Variants in PCDHGB6 observed in about 807,000 individuals in gnomAD.
PCDHGB6 encodes protocadherin gamma subfamily B, 6, also known as protocadherin gamma-B6.
Under a neutral mutation model 59.1 loss-of-function variants are expected in PCDHGB6, and 51 were observed. The observed-to-expected ratio is 0.86, with a 90% CI of 0.69 to 1.09. The LOEUF is 1.09. Ranked by LOEUF, PCDHGB6 falls within the 50% of genes least tolerant of loss-of-function variation. The pLI, the probability that PCDHGB6 is intolerant of heterozygous loss-of-function variation, is 0.00. For missense variants in PCDHGB6, 1,148 were observed against 1,205.1 expected (o/e 0.95, Z 0.70); for synonymous variants, 466 against 495.1 (o/e 0.94, Z 0.78).
chr5:141,456,800 TA>T (rs1038857337), intron 1 of PCDHGB6, among the ~76,000 whole-genome samples: 2 of 151,846 alleles, frequency 1.3e-5, no homozygotes, highest in African/African-American at 4.8e-5. Flanking sequence ...CCATCTCTAC[TA>T]AAAATACAAA....
chr5:141,491,980 C>A lies in PCDHGB6; in HGVS notation c.2419-2827C>A. On this transcript the variant is annotated intron_variant, in intron 1 of 3. Coordinates refer to ENST00000520790, the MANE Select transcript of PCDHGB6 (RefSeq NM_018926.3). This position sits in a 1 kb window ranked among gnomAD's most constrained non-coding sequence, Gnocchi z 6.9. ...AAAAAAGGCCGGGGCCTCCTTCGAGCTTCCGGTGAATTTCGGGCGATTTCC... is the reference window on the plus strand; with the variant it reads ...AAAAAAGGCCGGGGCCTCCTTCGAGATTCCGGTGAATTTCGGGCGATTTCC... 1.3e-6 allele frequency: 1 copy of A among 784,426 alleles called. No homozygotes were observed. Among genetic ancestry groups the A allele is most frequent in the Non-Finnish European group, 1.9e-6 (1 of 530,582 alleles). The allele number at this position is 784,426 out of a possible 1,614,324, so 48.6% of individuals were successfully genotyped here.
rs909444391 is a variant in PCDHGB6 at position 141,450,834 on chromosome 5, T to A, written c.2418+40214T>A. On this transcript the variant is annotated intron_variant, in intron 1 of 3. Transcript: ENST00000520790. ...TATTTAATATTATTATTATTATTTT[T>A]TTTTTTTTGAGATGGGGTCTTGCTC... is the stretch of plus-strand genomic sequence containing the variant. 1.2e-3 allele frequency among the ~76,000 whole-genome samples: 172 copies of A among 148,764 alleles called. 3 individuals are homozygous for A. The highest frequency in any genetic ancestry group is 4.1e-3 in the African/African-American group (166 of 40,236).
intron 1 of PCDHGB6, among the ~76,000 whole-genome samples, chr5:141,452,300 T>C (rs886540131): frequency 2.0e-5 from 3 of 152,194 alleles, no homozygotes; most frequent in African/African-American, 7.2e-5. Flanking sequence ...TAAGAAAATA[T>C]TAGAGACTCA....
At chr5:141,496,310 A>G (rs1446146598) in intron 2 of PCDHGB6, among the ~76,000 whole-genome samples, 1 of 152,218 alleles carries the variant, frequency 6.6e-6, no homozygotes, top group East Asian at 1.9e-4. Context: ...GCTCTGCGCC[A>G]GGCCTCCCAG....
chr5:141,484,959 C>A, intron 1 of PCDHGB6: 2 of 575,576 alleles, frequency 3.5e-6, no homozygotes, highest in Non-Finnish European at 6.2e-6. Flanking sequence ...ATTGGCTGAG[C>A]CCGGGAGCCG....
Position 141,486,695 on chromosome 5 carries a change from A to T in PCDHGB6, c.2419-8112A>T. On this transcript the variant is annotated intron_variant, in intron 1 of 3. Coordinates refer to ENST00000520790, the MANE Select transcript of PCDHGB6 (RefSeq NM_018926.3). The surrounding 1 kb of genome is among the most constrained non-coding windows in gnomAD (Gnocchi z 5.0). ...TCGAGATGTATCAGCTTCCTCTTTC[A>T]TCTCTCTGAACCCCCAGACAGGAGC... The T allele has an allele frequency of 6.2e-7, 1 of 1,613,912 alleles. No homozygotes were observed. The highest frequency in any genetic ancestry group is 8.5e-7 in the Non-Finnish European group (1 of 1,179,980).
In PCDHGB6 at chr5:141,410,097, T is replaced by G. The variant is rs745439318; in HGVS notation, c.1895T>G (p.Leu632Ter). ...RTGEVRTARA[L>*]GDRDAARQRL... ...GGGGAGGTGCGCACGGCTCGAGCCTTAGGCGACAGGGACGCAGCCCGCCAG... is the reference window on the plus strand; with the variant it reads ...GGGGAGGTGCGCACGGCTCGAGCCTGAGGCGACAGGGACGCAGCCCGCCAG... The change falls in exon 1 of 4, where the codon TTA becomes TGA. Residue 632 changes from leucine to a stop codon, truncating the protein, a stop_gained. Coordinates refer to ENST00000520790, the MANE Select transcript of PCDHGB6 (RefSeq NM_018926.3). LOFTEE classifies it high-confidence loss of function. 1.9e-6 allele frequency: 3 copies of G among 1,612,664 alleles called. No individual in the cohort carries two copies. The highest frequency in any genetic ancestry group is 2.5e-6 in the Non-Finnish European group (3 of 1,179,652).
chr5:141,431,609 G>A lies in PCDHGB6; in HGVS notation c.2418+20989G>A. The A allele has an allele frequency of 6.2e-7, 1 of 1,614,232 alleles. No homozygotes were observed. The highest frequency in any genetic ancestry group is 8.5e-7 in the Non-Finnish European group (1 of 1,180,046). On this transcript the variant is annotated intron_variant, in intron 1 of 3. Coordinates refer to ENST00000520790, the MANE Select transcript of PCDHGB6 (RefSeq NM_018926.3). The surrounding 1 kb of genome is among the most constrained non-coding windows in gnomAD (Gnocchi z 4.8). ...GGAAGTGAGGTATTCCTTCCGGTAT[G>A]TGGACGACAAGGCGGCCCAAGTTTT...
chr5:141,455,244 T>C (rs977940552), intron 1 of PCDHGB6, among the ~76,000 whole-genome samples: 1 of 152,142 alleles, frequency 6.6e-6, no homozygotes, highest in Admixed American at 6.5e-5. Flanking sequence ...TTAAAGGTCA[T>C]AGTACAATCG....
intron 1 of PCDHGB6, chr5:141,419,559 T>C: frequency 6.2e-7 from 1 of 1,611,930 alleles, no homozygotes. Context: ...TACCCTGCGC[T>C]GGGTCCCGAC....
Position 141,489,898 on chromosome 5 carries a change from C to T in PCDHGB6, c.2419-4909C>T. On this transcript the variant is annotated intron_variant, in intron 1 of 3. Transcript: ENST00000520790. The surrounding 1 kb of genome is among the most constrained non-coding windows in gnomAD (Gnocchi z 4.5). ...GCTTACTGCTGTGGATGGGGGGACC[C>T]CAGCCCGCTCAGGGACCACCCTTAT... 6.2e-7 allele frequency: 1 copy of T among 1,614,216 alleles called. No homozygotes were observed. Among genetic ancestry groups the T allele is most frequent in the Non-Finnish European group, 8.5e-7 (1 of 1,180,036 alleles).
rs1477077191 is a variant in PCDHGB6, at chr5:141,427,802, C to T, written c.2418+17182C>T. 7.3e-6 allele frequency: 11 copies of T among 1,510,148 alleles called. No individual in the cohort carries two copies. In the South Asian group the frequency reaches 9.0e-5, roughly 12 times the overall value. The allele number at this position is 1,510,148 out of a possible 1,614,324, so 93.5% of individuals were successfully genotyped here. A position where few individuals can be genotyped will look rare whatever the true frequency, so the allele number is the denominator to read the frequency against. On this transcript the variant is annotated intron_variant, in intron 1 of 3. Transcript: ENST00000520790. ...CACTGTCGTCCTACGTGTCCGTGAG[C>T]GCACAGAGCGGGGTGGTGGTCGCGC... is the stretch of plus-strand genomic sequence containing the variant.
At chr5:141,420,558 C>T (rs1373350109) in intron 1 of PCDHGB6, 1 of 248,240 alleles carries the variant, frequency 4.0e-6, no homozygotes, top group Non-Finnish European at 7.5e-6. Flanking sequence ...TATATTTTTA[C>T]GGCATGGTAT....
rs374253072 is a variant in PCDHGB6, at chr5:141,476,894, G to A, written c.2419-17913G>A. ...GCGCGTCCTGGAGGATGCACCCTCCGGCACGCGCGTGGTACAAGTCCTTGC... is the reference window on the plus strand; with the variant it reads ...GCGCGTCCTGGAGGATGCACCCTCCAGCACGCGCGTGGTACAAGTCCTTGC... On this transcript the variant is annotated intron_variant, in intron 1 of 3. Transcript: ENST00000520790. The surrounding 1 kb of genome is among the most constrained non-coding windows in gnomAD (Gnocchi z 7.6). 48 of 1,613,834 alleles carry A rather than the reference G, an allele frequency of 3.0e-5. No homozygotes were observed. In the African/African-American group the frequency reaches 5.6e-4, roughly 19 times the overall value.
In PCDHGB6 at chr5:141,433,040, A is replaced by ACGGACT. The variant is rs753119003; in HGVS notation, c.2418+22423_2418+22428dup. The ACGGACT allele has an allele frequency of 8.1e-6, 13 of 1,614,088 alleles. No homozygotes were observed. In the African/African-American group the frequency reaches 1.7e-4, roughly 22 times the overall value. On this transcript the variant is annotated intron_variant, in intron 1 of 3. Transcript: ENST00000520790. ...CTATTCCCACGAGGTTTCCCTCACC[A>ACGGACT]CGGACTCGCGGAAGAGTCACCTGAT...
At position 141,457,403 on chromosome 5, in the gene PCDHGB6, C is replaced by A. The variant is rs550748216; in HGVS notation, c.2419-37404C>A. On this transcript the variant is annotated intron_variant, in intron 1 of 3. Transcript: ENST00000520790. ...GAACTAGCATATTGATTCACATTTT[C>A]ACATTACCCATCCCTTTTTCCCCCC... Among the ~76,000 whole-genome samples, 4 of 152,328 alleles carry A rather than the reference C, an allele frequency of 2.6e-5. No homozygotes were observed. In the East Asian group the frequency reaches 7.7e-4, roughly 29 times the overall value.
chr5:141,414,778 C>T (rs1346896593), intron 1 of PCDHGB6: 12 of 1,614,202 alleles, frequency 7.4e-6, no homozygotes, highest in Non-Finnish European at 1.0e-5. Context: ...GCTACAGATG[C>T]AGGTGACAGC....
At position 141,485,010 on chromosome 5, in the gene PCDHGB6, C is replaced by T; in HGVS notation, c.2419-9797C>T. 1 of 629,958 alleles carries T rather than the reference C, an allele frequency of 1.6e-6. No homozygotes were observed. The highest frequency in any genetic ancestry group is 2.9e-6 in the Non-Finnish European group (1 of 350,608). 39.0% of individuals were successfully genotyped at this position (629,958 alleles called of 1,614,324 possible). On this transcript the variant is annotated intron_variant, in intron 1 of 3. Coordinates refer to ENST00000520790, the MANE Select transcript of PCDHGB6 (RefSeq NM_018926.3). This position sits in a 1 kb window ranked among gnomAD's most constrained non-coding sequence, Gnocchi z 5.7. ...GTGGTGAAAGGCAGACAAATCTACC[C>T]CGCCACCAGCAAAAACGGCGCGTAA...
rs748105196 is a variant in PCDHGB6 at position 141,486,849 on chromosome 5, A to G, written c.2419-7958A>G. ...GTTCGTCTATTTGTGCTGGACCTCA[A>G]TGACAATGCTCCAGCTGTGCTCCGT... is the stretch of plus-strand genomic sequence containing the variant. On this transcript the variant is annotated intron_variant, in intron 1 of 3. Coordinates refer to ENST00000520790, the MANE Select transcript of PCDHGB6 (RefSeq NM_018926.3). The surrounding 1 kb of genome is among the most constrained non-coding windows in gnomAD (Gnocchi z 5.0). 4.3e-6 allele frequency: 7 copies of G among 1,614,110 alleles called. No individual in the cohort carries two copies. The highest frequency in any genetic ancestry group is 5.1e-6 in the Non-Finnish European group (6 of 1,180,036).
Sources: gnomAD v4.1 joint callset for allele counts (sites outside exome capture counted in the v4.1 genomes callset) on GRCh38, gnomAD v4.1.1 for gene constraint, Gnocchi (gnomAD v3.1) non-coding constraint, MANE v1.5 for transcripts, NCBI Gene and HGNC (gene_info 2026-07-23, HGNC 2026-07-21) for gene names.